Variants in EPAS1 observed in about 807,000 individuals in gnomAD.
The protein encoded by EPAS1 is endothelial PAS domain protein 1.
A neutral mutation model predicts 87.9 loss-of-function variants in EPAS1; 23 were observed. That is an observed-to-expected ratio of 0.26 (90% CI 0.19 to 0.37). The LOEUF (loss-of-function observed/expected upper bound fraction) is 0.37, where lower values mean the gene tolerates loss of function less well. EPAS1 is among the 10% of genes least tolerant of loss of function. The pLI, the probability that EPAS1 is intolerant of heterozygous loss-of-function variation, is 1.00. For synonymous variants in EPAS1, 508 were observed against 444.3 expected, an observed-to-expected ratio of 1.14 and a Z score of -1.80; for missense variants, 1,138 against 1,120.7, an observed-to-expected ratio of 1.02 and a Z score of -0.22.
Position 46,371,261 on chromosome 2 carries a change from G to A in EPAS1, c.886+1328G>A, listed in dbSNP as rs556252950. On this transcript the variant is annotated intron_variant, in intron 7 of 15. Transcript: ENST00000263734. The surrounding 1 kb of genome is among the most constrained non-coding windows in gnomAD (Gnocchi z 4.3). ...ATCCACCCATCTACCCCAAGGCTAA[G>A]ACAGCCAAGTTCAGTGCAGCCAGCA... Among the ~76,000 whole-genome samples the A allele has an allele frequency of 7.9e-5, 12 of 152,310 alleles. No individual in the cohort carries two copies. The East Asian group carries it at 2.3e-3, about 29-fold the overall frequency.
intron 6 of EPAS1, among the ~76,000 whole-genome samples, chr2:46,365,949 G>T (rs926107549): frequency 6.6e-6 from 1 of 152,246 alleles, no homozygotes; most frequent in Non-Finnish European, 1.5e-5. Flanking sequence ...CAAATAGGTG[G>T]TTACAAAGTA....
At chr2:46,344,593 G>T (rs1262563356) in intron 1 of EPAS1, among the ~76,000 whole-genome samples, 1 of 152,136 alleles carries the variant, frequency 6.6e-6, no homozygotes, top group Non-Finnish European at 1.5e-5. Context: ...ATCAGGTCAG[G>T]ATTAAAATGC....
At chr2:46,299,775 G>T (rs1682959858) in intron 1 of EPAS1, among the ~76,000 whole-genome samples, 1 of 152,198 alleles carries the variant, frequency 6.6e-6, no homozygotes, top group Admixed American at 6.5e-5. Context: ...GGGGAAAAAT[G>T]ATTTCGACAC....
chr2:46,343,641 GTCCTTTTAGGTTCAGCTGAAA>G (rs1683954030), intron 1 of EPAS1, among the ~76,000 whole-genome samples: 1 of 152,186 alleles, frequency 6.6e-6, no homozygotes, highest in Non-Finnish European at 1.5e-5. Flanking sequence ...ATTATTATTT[GTCCTTTTAGGTTCAGCTGAAA>G]TCCCACCTCC....
intron 2 of EPAS1, among the ~76,000 whole-genome samples, chr2:46,352,291 T>C (rs1230273448): frequency 6.6e-6 from 1 of 152,234 alleles, no homozygotes; most frequent in Non-Finnish European, 1.5e-5. Flanking sequence ...GCAGTTTATC[T>C]GTCTTCCCCA....
chr2:46,301,387 C>T (rs373202095), intron 1 of EPAS1, among the ~76,000 whole-genome samples: 88 of 152,040 alleles, frequency 5.8e-4, no homozygotes, highest in African/African-American at 2.0e-3. Flanking sequence ...CCAGCCTGGT[C>T]AACATGGTGA....
At chr2:46,368,882 T>C (rs1684561347) in intron 6 of EPAS1, among the ~76,000 whole-genome samples, 1 of 152,204 alleles carries the variant, frequency 6.6e-6, no homozygotes, top group Non-Finnish European at 1.5e-5. Context: ...GGACATGATA[T>C]TGGGTAAAGC....
intron 1 of EPAS1, among the ~76,000 whole-genome samples, chr2:46,312,682 C>A (rs918303774): frequency 6.6e-6 from 1 of 152,122 alleles, no homozygotes. Flanking sequence ...TCTTACCTGG[C>A]TGGGATTTTC....
intron 2 of EPAS1, among the ~76,000 whole-genome samples, chr2:46,350,129 C>T (rs1234979239): frequency 6.6e-6 from 1 of 152,152 alleles, no homozygotes. Context: ...TAAATATAGG[C>T]TTCTGGAGAA....
intron 1 of EPAS1, among the ~76,000 whole-genome samples, chr2:46,326,112 C>A (rs1372438058): frequency 6.6e-6 from 1 of 152,192 alleles, no homozygotes; most frequent in Middle Eastern, 3.2e-3. Flanking sequence ...TTCTAGGCAT[C>A]AGTTGCCCCT....
chr2:46,324,071 G>T (rs1352499194), intron 1 of EPAS1, among the ~76,000 whole-genome samples: 2 of 152,248 alleles, frequency 1.3e-5, no homozygotes, highest in South Asian at 2.1e-4. Flanking sequence ...TGGTTTTTTT[G>T]TTTGTTTGTT....
chr2:46,334,839 C>T (rs977455652), intron 1 of EPAS1, among the ~76,000 whole-genome samples: 4 of 152,168 alleles, frequency 2.6e-5, no homozygotes, highest in African/African-American at 4.8e-5. Flanking sequence ...TTGATGACTT[C>T]TTTACAAAGG....
At position 46,376,520 on chromosome 2, in the gene EPAS1, G is replaced by T. The variant is rs1370591076; in HGVS notation, c.1035-19G>T. 3.1e-6 allele frequency: 5 copies of T among 1,611,396 alleles called. No homozygotes were observed. The highest frequency in any genetic ancestry group is 4.2e-6 in the Non-Finnish European group (5 of 1,177,558). ...CTAGAAAATGTGGAAAGTCTGAATGGCTCTTTCCCCCCCATTAGTGAGATT... is the reference window on the plus strand; with the variant it reads ...CTAGAAAATGTGGAAAGTCTGAATGTCTCTTTCCCCCCCATTAGTGAGATT... On this transcript the variant is annotated intron_variant, in intron 8 of 15. Coordinates refer to ENST00000263734, the MANE Select transcript of EPAS1 (RefSeq NM_001430.5).
At position 46,368,289 on chromosome 2, in the gene EPAS1, TGGAGAAGAGG is replaced by T. The variant is rs547825958; in HGVS notation, c.780-1528_780-1519del. On this transcript the variant is annotated intron_variant, in intron 6 of 15. Coordinates refer to ENST00000263734, the MANE Select transcript of EPAS1 (RefSeq NM_001430.5). ...AGCTGGTCCTGGAGGTGTCAGGGCT[TGGAGAAGAGG>T]GGAGAAGAGAAGGCATAAAGCTTCT... 1.4e-4 allele frequency among the ~76,000 whole-genome samples: 21 copies of T among 152,178 alleles called. No individual in the cohort carries two copies. The South Asian group carries it at 1.5e-3, about 11-fold the overall frequency.
At chr2:46,332,837 G>C (rs139637476) in intron 1 of EPAS1, among the ~76,000 whole-genome samples, 1 of 152,146 alleles carries the variant, frequency 6.6e-6, no homozygotes, top group African/African-American at 2.4e-5. Flanking sequence ...TCTGGGCCAC[G>C]GGTGTTGGGC....
chr2:46,369,729 G>A, intron 6 of EPAS1, 98 bp from the exon 7 acceptor site: 1 of 785,370 alleles, frequency 1.3e-6, no homozygotes, highest in Admixed American at 2.0e-5. Context: ...ATCTGCATGT[G>A]TGTGTTTGAT....
At chr2:46,307,406 C>T (rs957280511) in intron 1 of EPAS1, among the ~76,000 whole-genome samples, 3 of 152,306 alleles carry the variant, frequency 2.0e-5, no homozygotes, top group African/African-American at 7.2e-5. Context: ...GGTCACATTT[C>T]ACTGGTGACA....
At chr2:46,384,483 A>G (rs1224363677) in intron 15 of EPAS1, 26 bp from the exon 16 acceptor site, 1 of 1,614,200 alleles carries the variant, frequency 6.2e-7, no homozygotes, top group Non-Finnish European at 8.5e-7. Flanking sequence ...TAGGCCTTTA[A>G]GTTATGGTAC....
At chr2:46,316,326 T>TTAG (rs1558584856) in intron 1 of EPAS1, among the ~76,000 whole-genome samples, 1 of 152,120 alleles carries the variant, frequency 6.6e-6, no homozygotes, top group Non-Finnish European at 1.5e-5. Context: ...TGGGGCAATC[T>TTAG]TAGCTCACTG....
Sources: allele counts gnomAD v4.1 joint callset (sites outside exome capture counted in the v4.1 genomes callset), GRCh38; gene constraint gnomAD v4.1.1; non-coding constraint Gnocchi (gnomAD v3.1); transcripts MANE v1.5; gene names NCBI Gene and HGNC (gene_info 2026-07-23, HGNC 2026-07-21).